The following ARHGAP39 variants were observed in gnomAD, a reference collection of about 807,000 sequenced individuals.
The protein encoded by ARHGAP39 is Rho GTPase activating protein 39.
ARHGAP39 carries 44 observed loss-of-function variants against 106.9 expected under a neutral mutation model. That is an observed-to-expected ratio of 0.41 (90% CI 0.32 to 0.53). ARHGAP39 has a LOEUF of 0.53. Among genes scored for constraint, ARHGAP39 ranks in the 20% least tolerant of loss-of-function variants. The probability of loss-of-function intolerance (pLI) is 0.21; values close to 1 mark genes in which losing one functional copy is unlikely to be tolerated. For missense variants in ARHGAP39, 1,496 were observed against 1,577.3 expected (o/e 0.95, Z 0.87); for synonymous variants, 768 against 693.2 (o/e 1.11, Z -1.69).
chr8:144,676,951 G>GT (rs1822258811), intron 1 of ARHGAP39, among the ~76,000 whole-genome samples: 2 of 152,242 alleles, frequency 1.3e-5, no homozygotes, highest in Admixed American at 1.3e-4. Flanking sequence ...TGTACTTTTA[G>GT]TATAGACAGG....
intron 4 of ARHGAP39, among the ~76,000 whole-genome samples, chr8:144,551,354 G>T (rs1817682233): frequency 6.6e-6 from 1 of 152,166 alleles, no homozygotes; most frequent in Non-Finnish European, 1.5e-5. Flanking sequence ...ATGAAGAAAG[G>T]TAAGAAGGCC....
At chr8:144,574,666 T>A (rs1818708935) in intron 3 of ARHGAP39, among the ~76,000 whole-genome samples, 1 of 152,148 alleles carries the variant, frequency 6.6e-6, no homozygotes, top group Admixed American at 6.5e-5. Context: ...AGAGCGAGAC[T>A]CCGTCTCAAA....
chr8:144,585,970 G>C lies in ARHGAP39; in HGVS notation c.81-4693C>G. On this transcript the variant is annotated intron_variant, in intron 2 of 11. Transcript: ENST00000377307. The surrounding 1 kb of genome is among the most constrained non-coding windows in gnomAD (Gnocchi z 4.6). Reference sequence around the variant, plus strand: ...TCTCCACTCTTGTTACCTGACCCCCGTGACTCAGGGTAGTTTTTTAGTTTT... The same window carrying C: ...TCTCCACTCTTGTTACCTGACCCCCCTGACTCAGGGTAGTTTTTTAGTTTT... Among the ~76,000 whole-genome samples, 1 of 152,078 alleles carries C rather than the reference G, an allele frequency of 6.6e-6. No individual in the cohort carries two copies.
At chr8:144,667,757 C>A (rs1258174605) in intron 1 of ARHGAP39, among the ~76,000 whole-genome samples, 1 of 152,312 alleles carries the variant, frequency 6.6e-6, no homozygotes, top group Non-Finnish European at 1.5e-5. Flanking sequence ...ACCTTGGTTT[C>A]CTCATCTATG....
chr8:144,690,211 C>A (rs1211658951), upstream of ARHGAP39, among the ~76,000 whole-genome samples: 1 of 152,042 alleles, frequency 6.6e-6, no homozygotes, highest in African/African-American at 2.4e-5. Context: ...AGCTAAGATT[C>A]AAGCGATTCT....
upstream of ARHGAP39, among the ~76,000 whole-genome samples, chr8:144,688,800 C>T (rs1260723476): frequency 6.6e-6 from 1 of 152,104 alleles, no homozygotes; most frequent in Non-Finnish European, 1.5e-5. Flanking sequence ...GTAAAGATGT[C>T]GAGTCTTCCT....
At chr8:144,594,068 G>A (rs1194222427) in intron 2 of ARHGAP39, among the ~76,000 whole-genome samples, 5 of 124,116 alleles carry the variant, frequency 4.0e-5, no homozygotes, top group Non-Finnish European at 6.4e-5. Context: ...CAGCGTGGGC[G>A]ACAAAGTGAG....
At position 144,540,881 on chromosome 8, in the gene ARHGAP39, T is replaced by G. The variant is rs376666400; in HGVS notation, c.2522-3068A>C. Among the ~76,000 whole-genome samples, 7 of 152,368 alleles carry G rather than the reference T, an allele frequency of 4.6e-5. No individual in the cohort carries two copies. In the East Asian group the frequency reaches 1.3e-3, roughly 29 times the overall value. On this transcript the variant is annotated intron_variant, in intron 6 of 11. Coordinates refer to ENST00000377307, the MANE Select transcript of ARHGAP39 (RefSeq NM_025251.3). ...CATAATTAATTAATTTGAAACAGTC[T>G]TGCTCTGTTGCCCAGGCTAGAGTGC...
At chr8:144,533,047 A>G in intron 9 of ARHGAP39, 79 bp downstream of exon 9, 2 of 1,517,250 alleles carry the variant, frequency 1.3e-6, no homozygotes, top group Non-Finnish European at 1.8e-6. Context: ...CTGAGGCTTA[A>G]TGGCCCCTGC....
At chr8:144,688,291 A>G (rs1258437157), upstream of ARHGAP39, among the ~76,000 whole-genome samples, 2 of 151,964 alleles carry the variant, frequency 1.3e-5, no homozygotes, top group African/African-American at 2.4e-5. Flanking sequence ...TTTTAGTAGA[A>G]ATAGGGTTTC....
intron 1 of ARHGAP39, among the ~76,000 whole-genome samples, chr8:144,617,644 T>C (rs1019740914): frequency 6.6e-6 from 1 of 151,946 alleles, no homozygotes; most frequent in Non-Finnish European, 1.5e-5. Flanking sequence ...CGCTCTAGTC[T>C]GGTTTTGTGA....
intron 3 of ARHGAP39, among the ~76,000 whole-genome samples, chr8:144,559,909 C>A (rs976340953): frequency 6.6e-6 from 1 of 152,220 alleles, no homozygotes; most frequent in African/African-American, 2.4e-5. Flanking sequence ...AACCTATCAC[C>A]TGAGGTCAGA....
At chr8:144,686,114 A>G (rs74649582), upstream of ARHGAP39, among the ~76,000 whole-genome samples, 3 of 151,212 alleles carry the variant, frequency 2.0e-5, no homozygotes, top group South Asian at 4.2e-4. Flanking sequence ...TTCGGTGCAG[A>G]GCAGTTACCA....
intron 3 of ARHGAP39, among the ~76,000 whole-genome samples, chr8:144,567,514 A>G (rs1450759635): frequency 1.3e-5 from 2 of 152,128 alleles, no homozygotes; most frequent in Non-Finnish European, 2.9e-5. Context: ...GGGGGAGTTT[A>G]GAGAAGACTC....
intron 1 of ARHGAP39, among the ~76,000 whole-genome samples, chr8:144,637,289 T>G (rs747712169): frequency 3.9e-5 from 6 of 152,242 alleles, no homozygotes; most frequent in Non-Finnish European, 5.9e-5. Flanking sequence ...TGCTTCTGTT[T>G]AGTCTTTTTT....
chr8:144,642,654 T>C (rs1821341554), intron 1 of ARHGAP39, among the ~76,000 whole-genome samples: 1 of 152,172 alleles, frequency 6.6e-6, no homozygotes, highest in Admixed American at 6.5e-5. Flanking sequence ...TTTCCTGAGC[T>C]GTTCTCATGA....
intron 1 of ARHGAP39, among the ~76,000 whole-genome samples, chr8:144,628,616 C>G (rs560770376): frequency 2.6e-5 from 4 of 152,334 alleles, no homozygotes; most frequent in South Asian, 4.1e-4. Context: ...GACAACAAAA[C>G]AAGATCACCG....
upstream of ARHGAP39, among the ~76,000 whole-genome samples, chr8:144,686,368 C>G (rs1822590200): frequency 6.6e-6 from 1 of 152,144 alleles, no homozygotes; most frequent in Non-Finnish European, 1.5e-5. Flanking sequence ...GACTAGTGCT[C>G]TATTCGGCGT....
chr8:144,615,778 G>A (rs1820619536), intron 1 of ARHGAP39, among the ~76,000 whole-genome samples: 4 of 152,244 alleles, frequency 2.6e-5, no homozygotes. Flanking sequence ...CTGTGAGCTG[G>A]AGACACAAGG....
Sources: gnomAD v4.1 joint callset for allele counts (sites outside exome capture counted in the v4.1 genomes callset) on GRCh38, gnomAD v4.1.1 for gene constraint, Gnocchi (gnomAD v3.1) non-coding constraint, MANE v1.5 for transcripts, NCBI Gene and HGNC (gene_info 2026-07-23, HGNC 2026-07-21) for gene names.